SH3GL2: variants seen among roughly 807,000 people sequenced by gnomAD.
SH3GL2 encodes endophilin-A1.
SH3GL2 carries 24 observed loss-of-function variants against 46.0 expected under a neutral mutation model. The observed-to-expected ratio is 0.52, with a 90% CI of 0.38 to 0.73. The LOEUF is 0.73. SH3GL2 is among the 30% of genes least tolerant of loss of function. The pLI is 0.00. For synonymous variants in SH3GL2, 196 were observed against 147.1 expected, an observed-to-expected ratio of 1.33 and a Z score of -2.40; for missense variants, 413 against 424.2, an observed-to-expected ratio of 0.97 and a Z score of 0.23.
In SH3GL2 at chr9:17,738,575, T is replaced by TATAGAGAG. The variant is rs146902227; in HGVS notation, c.46-8490_46-8489insTAGAGAGA. On this transcript the variant is annotated intron_variant, in intron 1 of 8. Coordinates refer to ENST00000380607, the MANE Select transcript of SH3GL2 (RefSeq NM_003026.5). ...GTGTGTATATACATACATATATATA[T>TATAGAGAG]AGAGAGAGAGAGAGAGAGAATTTTA... Among the ~76,000 whole-genome samples the TATAGAGAG allele has an allele frequency of 5.5e-4, 60 of 108,264 alleles. 2 individuals are homozygous for TATAGAGAG. Among genetic ancestry groups the TATAGAGAG allele is most frequent in the East Asian group, 5.5e-3 (21 of 3,832 alleles). 71.0% of individuals were successfully genotyped at this position (108,264 alleles called of 152,430 possible).
Position 17,791,322 on chromosome 9 carries a change from G to C in SH3GL2, c.716G>C (p.Arg239Thr). 1 of 1,609,114 alleles carries C rather than the reference G, an allele frequency of 6.2e-7. No individual in the cohort carries two copies. Among genetic ancestry groups the C allele is most frequent in the Non-Finnish European group, 8.5e-7 (1 of 1,175,454 alleles). The change falls in exon 7 of 9, where the codon AGA becomes ACA. Residue 239 changes from arginine to threonine, a missense_variant. Physicochemically the swap from Arg to Thr is moderately conservative, Grantham distance 71. Coordinates refer to ENST00000380607, the MANE Select transcript of SH3GL2 (RefSeq NM_003026.5). ...AVQILQQVTV[R>T]LEERIRQASS... ...CAGATCCTGCAGCAAGTCACGGTCA[G>C]ACTGGAAGAAAGGTATTCTACAGTT...
chr9:17,740,926 T>G (rs540279206), intron 1 of SH3GL2, among the ~76,000 whole-genome samples: 1 of 152,126 alleles, frequency 6.6e-6, no homozygotes, highest in Non-Finnish European at 1.5e-5. Flanking sequence ...GGCATTTTCT[T>G]TTTCACGCAA....
At chr9:17,785,011 C>T (rs1259424132) in intron 3 of SH3GL2, among the ~76,000 whole-genome samples, 5 of 152,162 alleles carry the variant, frequency 3.3e-5, no homozygotes, top group Non-Finnish European at 5.9e-5. Flanking sequence ...CCACACTTAG[C>T]CTGCATTTTC....
chr9:17,650,251 A>T (rs891402763), intron 1 of SH3GL2, among the ~76,000 whole-genome samples: 8 of 152,222 alleles, frequency 5.3e-5, no homozygotes, highest in African/African-American at 1.7e-4. Context: ...GAAATAAATG[A>T]TATCCTTGTA....
At chr9:17,746,878 T>C (rs1173297134) in intron 1 of SH3GL2, among the ~76,000 whole-genome samples, 188 bp from the exon 2 acceptor site, 1 of 152,218 alleles carries the variant, frequency 6.6e-6, no homozygotes, top group Non-Finnish European at 1.5e-5. Flanking sequence ...ACCAGATGCA[T>C]AGCCTTTAGT....
intron 1 of SH3GL2, among the ~76,000 whole-genome samples, chr9:17,633,462 A>T (rs1039214734): frequency 6.6e-6 from 1 of 152,250 alleles, no homozygotes; most frequent in Non-Finnish European, 1.5e-5. Flanking sequence ...TAGGTACTGC[A>T]CAAGTGTCCT....
At chr9:17,732,773 A>T (rs1228089984) in intron 1 of SH3GL2, among the ~76,000 whole-genome samples, 1 of 152,156 alleles carries the variant, frequency 6.6e-6, no homozygotes, top group Non-Finnish European at 1.5e-5. Context: ...ATTTCCAAGA[A>T]AATGTTCACC....
intron 1 of SH3GL2, among the ~76,000 whole-genome samples, chr9:17,628,411 G>T (rs868866339): frequency 9.4e-4 from 135 of 143,772 alleles, no homozygotes; most frequent in Middle Eastern, 7.0e-3. Flanking sequence ...CTATATCTTG[G>T]GTGTGTGTGT....
At chr9:17,795,496 C>A (rs1478108963) in intron 8 of SH3GL2, 48 bp from the exon 9 acceptor site, 1 of 1,485,354 alleles carries the variant, frequency 6.7e-7, no homozygotes, top group Admixed American at 1.7e-5. Context: ...GAGTTAAATA[C>A]CCCTTATCCT....
intron 5 of SH3GL2, among the ~76,000 whole-genome samples, 189 bp from the exon 6 acceptor site, chr9:17,789,203 T>C (rs1438820541): frequency 2.0e-5 from 3 of 152,210 alleles, no homozygotes. Flanking sequence ...TTTAAAGATA[T>C]TCCCCCATAT....
chr9:17,765,878 C>T (rs1187421970), intron 3 of SH3GL2, among the ~76,000 whole-genome samples: 2 of 152,206 alleles, frequency 1.3e-5, no homozygotes, highest in African/African-American at 4.8e-5. Flanking sequence ...AGCCAACAGG[C>T]ACTGGGATAT....
intron 1 of SH3GL2, among the ~76,000 whole-genome samples, chr9:17,691,169 C>G (rs912975024): frequency 5.3e-5 from 8 of 152,246 alleles, no homozygotes; most frequent in African/African-American, 1.9e-4. Flanking sequence ...GTGTTTCTCA[C>G]TTGCCAAGGG....
intron 1 of SH3GL2, among the ~76,000 whole-genome samples, chr9:17,624,276 C>G (rs962318573): frequency 8.5e-5 from 13 of 152,112 alleles, no homozygotes; most frequent in African/African-American, 2.7e-4. Context: ...GTCTAGTTTC[C>G]TGATTATATA....
intron 1 of SH3GL2, among the ~76,000 whole-genome samples, chr9:17,663,627 T>C (rs1563802732): frequency 6.6e-6 from 1 of 152,200 alleles, no homozygotes; most frequent in Non-Finnish European, 1.5e-5. Flanking sequence ...GCTAATTGCA[T>C]TATTATTAAT....
chr9:17,607,722 C>A (rs1349158634), intron 1 of SH3GL2, among the ~76,000 whole-genome samples: 1 of 152,052 alleles, frequency 6.6e-6, no homozygotes, highest in African/African-American at 2.4e-5. Flanking sequence ...TTGACTTTTT[C>A]TTCAAATTTT....
intron 1 of SH3GL2, among the ~76,000 whole-genome samples, chr9:17,712,729 C>T (rs1821659523): frequency 6.6e-6 from 1 of 151,760 alleles, no homozygotes; most frequent in South Asian, 2.1e-4. Flanking sequence ...CTTGAAATCA[C>T]ATTCATCTAA....
intron 1 of SH3GL2, among the ~76,000 whole-genome samples, chr9:17,726,715 A>G (rs373766840): frequency 9.2e-5 from 14 of 152,302 alleles, no homozygotes; most frequent in African/African-American, 3.4e-4. Flanking sequence ...CATTAAAGAT[A>G]TTCCACCTAT....
In SH3GL2 at chr9:17,680,446, G is replaced by T. The variant is rs1009327984; in HGVS notation, c.46-66620G>T. ...GTGTTTATAGTATTCTCTGATGGTA[G>T]TTTGTATTTCTGTGGGATTGGTGGT... On this transcript the variant is annotated intron_variant, in intron 1 of 8. Transcript: ENST00000380607. Among the ~76,000 whole-genome samples the T allele has an allele frequency of 3.5e-4, 53 of 152,194 alleles. 1 individual carries two copies. The highest frequency in any genetic ancestry group is 1.3e-3 in the African/African-American group (53 of 41,548).
At chr9:17,719,535 C>A (rs911999603) in intron 1 of SH3GL2, among the ~76,000 whole-genome samples, 3 of 152,048 alleles carry the variant, frequency 2.0e-5, no homozygotes, top group Admixed American at 6.6e-5. Flanking sequence ...CCTGTAATCC[C>A]AACACTTTGG....
Sources: gnomAD v4.1 joint callset for allele counts (sites outside exome capture counted in the v4.1 genomes callset) on GRCh38, gnomAD v4.1.1 for gene constraint, MANE v1.5 for transcripts, NCBI Gene and HGNC (gene_info 2026-07-23, HGNC 2026-07-21) for gene names.